ATP10D: variants seen among roughly 807,000 people sequenced by gnomAD.
ATP10D encodes the protein ATPase phospholipid transporting 10D (putative).
In ATP10D, 89 loss-of-function variants were observed where a neutral mutation model predicts 144.8. The ratio of observed to expected loss-of-function variants is 0.61; its 90% CI spans 0.52 to 0.73. ATP10D has a LOEUF of 0.73. ATP10D is among the 30% of genes least tolerant of loss of function. The pLI, the probability that ATP10D is intolerant of heterozygous loss-of-function variation, is 0.00. For synonymous variants in ATP10D, 571 were observed against 615.1 expected (o/e 0.93, Z 1.06); for missense variants, 1,603 against 1,714.8 (o/e 0.93, Z 1.15).
chr4:47,562,650 A>G (rs536016417), intron 14 of ATP10D, among the ~76,000 whole-genome samples: 599 of 152,312 alleles, frequency 3.9e-3, no homozygotes, highest in Non-Finnish European at 5.7e-3. Context: ...CAAAGAACTG[A>G]AAATGGAATT....
At chr4:47,497,433 C>A (rs182998642) in intron 1 of ATP10D, among the ~76,000 whole-genome samples, 2 of 151,582 alleles carry the variant, frequency 1.3e-5, no homozygotes, top group East Asian at 2.0e-4. Flanking sequence ...CCAGCCTGGA[C>A]AACAAGAGCG....
chr4:47,498,073 C>G (rs187573736), intron 1 of ATP10D, among the ~76,000 whole-genome samples: 117 of 152,326 alleles, frequency 7.7e-4, no homozygotes, highest in African/African-American at 2.7e-3. Context: ...AACAACCCTA[C>G]AGAGCAGATG....
At chr4:47,573,065 A>T in intron 18 of ATP10D, 68 bp downstream of exon 18, 1 of 1,557,144 alleles carries the variant, frequency 6.4e-7, no homozygotes, top group Non-Finnish European at 8.8e-7. Context: ...TCAGGGATGA[A>T]GACGAAGTGT....
At chr4:47,519,164 C>T (rs1470832513) in intron 3 of ATP10D, among the ~76,000 whole-genome samples, 1 of 152,204 alleles carries the variant, frequency 6.6e-6, no homozygotes. Flanking sequence ...CCTACCCTTT[C>T]TCTCTTTAAA....
Position 47,591,614 on chromosome 4 carries a change from A to C in ATP10D, c.*233A>C. 1 of 325,080 alleles carries C rather than the reference A, an allele frequency of 3.1e-6. No individual in the cohort carries two copies. Among genetic ancestry groups the C allele is most frequent in the Non-Finnish European group, 5.5e-6 (1 of 180,432 alleles). 20.1% of individuals were successfully genotyped at this position (325,080 alleles called of 1,614,324 possible). ...AGTGAAATATTTAATTCAGAACCAA[A>C]TGCTTTTGTAAAACTTTTTGGATTT... On this transcript the variant is annotated 3_prime_UTR_variant, in exon 23 of 23. Transcript: ENST00000273859.
At chr4:47,562,621 A>G (rs534212542) in intron 14 of ATP10D, among the ~76,000 whole-genome samples, 1 of 152,338 alleles carries the variant, frequency 6.6e-6, no homozygotes, top group South Asian at 2.1e-4. Context: ...ACCTCTATGG[A>G]AAACAGTGTG....
intron 1 of ATP10D, among the ~76,000 whole-genome samples, chr4:47,493,945 A>G (rs1715218081): frequency 6.6e-6 from 1 of 152,154 alleles, no homozygotes; most frequent in African/African-American, 2.4e-5. Context: ...ACAGGTAGGT[A>G]TCTGACTTAA....
intron 1 of ATP10D, among the ~76,000 whole-genome samples, chr4:47,508,364 A>G (rs1461366067): frequency 6.6e-6 from 1 of 152,230 alleles, no homozygotes; most frequent in Non-Finnish European, 1.5e-5. Context: ...CCTAAGCCCA[A>G]TGTATAAGAT....
rs75754001 is a variant in ATP10D, at chr4:47,521,554, A to T, written c.486-1458A>T. Among the ~76,000 whole-genome samples the T allele has an allele frequency of 3.7e-3, 562 of 152,254 alleles. 2 individuals are homozygous for T. Among genetic ancestry groups the T allele is most frequent in the African/African-American group, 0.013 (530 of 41,544 alleles). On this transcript the variant is annotated intron_variant, in intron 3 of 22. Transcript: ENST00000273859. ...ACTCCTAAATAAACTGCCATCCAAA[A>T]ATCCATTCATTACTCTGTCTCAGGA...
chr4:47,495,893 G>A (rs902762237), intron 1 of ATP10D, among the ~76,000 whole-genome samples: 7 of 151,648 alleles, frequency 4.6e-5, no homozygotes, highest in African/African-American at 1.5e-4. Flanking sequence ...ATGCGCCACC[G>A]CGCCTGGCTA....
At chr4:47,580,499 T>A (rs747257388) in intron 20 of ATP10D, 21 bp downstream of exon 20, 5 of 1,584,722 alleles carry the variant, frequency 3.2e-6, no homozygotes, top group Non-Finnish European at 4.3e-6. Context: ...GTTCACTCAG[T>A]ATATTTGTTA....
intron 10 of ATP10D, among the ~76,000 whole-genome samples, chr4:47,550,680 G>C (rs113887823): frequency 6.6e-6 from 1 of 152,150 alleles, no homozygotes; most frequent in Non-Finnish European, 1.5e-5. Flanking sequence ...CATGGGTCAC[G>C]GAAGAGAACC....
chr4:47,506,278 G>A (rs1336902350), intron 1 of ATP10D, among the ~76,000 whole-genome samples: 2 of 152,070 alleles, frequency 1.3e-5, no homozygotes, highest in Non-Finnish European at 2.9e-5. Flanking sequence ...TTTTTTCTCT[G>A]AAAAATGAAA....
At chr4:47,585,645 A>G (rs1406302015) in intron 21 of ATP10D, among the ~76,000 whole-genome samples, 1 of 152,150 alleles carries the variant, frequency 6.6e-6, no homozygotes, top group East Asian at 1.9e-4. Context: ...TGATACCTCC[A>G]CTACCCTTCC....
chr4:47,536,737 C>A lies in ATP10D; in HGVS notation c.1195C>A (p.Gln399Lys). 3.1e-6 allele frequency: 5 copies of A among 1,613,106 alleles called. No individual in the cohort carries two copies. The highest frequency in any genetic ancestry group is 4.2e-6 in the Non-Finnish European group (5 of 1,179,572). Reference protein sequence around the residue: ...YVSIEIVKLGQIYFIQSDVDF... With the variant: ...YVSIEIVKLGKIYFIQSDVDF... ...TTCCATCGAAATTGTGAAGCTTGGA[C>A]AAATATATTTCATTCAAAGTGATGT... The change falls in exon 9 of 23, where the codon CAA (glutamine) becomes AAA (lysine). Residue 399 changes from glutamine to lysine, a missense_variant. Gln to Lys is a moderately conservative substitution (Grantham distance 53). Coordinates refer to ENST00000273859, the MANE Select transcript of ATP10D (RefSeq NM_020453.4).
chr4:47,556,181 A>G (rs917468613), intron 11 of ATP10D, among the ~76,000 whole-genome samples: 1 of 152,204 alleles, frequency 6.6e-6, no homozygotes, highest in Non-Finnish European at 1.5e-5. Context: ...CCTTGTGTGT[A>G]ACTCTCTCAC....
chr4:47,559,116 A>G lies in ATP10D; in HGVS notation c.2541+87A>G, dbSNP rs1719145294. 4.1e-6 allele frequency: 4 copies of G among 984,084 alleles called. No homozygotes were observed. The South Asian group carries it at 4.4e-5, about 11-fold the overall frequency. 61.0% of individuals were successfully genotyped at this position (984,084 alleles called of 1,614,324 possible). On this transcript the variant is annotated intron_variant, in intron 13 of 22. Coordinates refer to ENST00000273859, the MANE Select transcript of ATP10D (RefSeq NM_020453.4). ...GAAAACCAGCGTGTAGCAAACCCTA[A>G]TCCAGATGCTGGGGAAAGTCCCCTG...
chr4:47,492,845 G>A (rs978582148), intron 1 of ATP10D, among the ~76,000 whole-genome samples: 13 of 152,014 alleles, frequency 8.6e-5, no homozygotes, highest in Non-Finnish European at 1.6e-4. Context: ...CCAGTAATAT[G>A]CTATATTCTT....
chr4:47,530,097 T>C (rs936081898), intron 5 of ATP10D, among the ~76,000 whole-genome samples: 15 of 152,184 alleles, frequency 9.9e-5, no homozygotes, highest in African/African-American at 3.1e-4. Context: ...TAAACAAAGA[T>C]AATTTGACTT....
Sources: gnomAD v4.1 joint callset for allele counts (sites outside exome capture counted in the v4.1 genomes callset) on GRCh38, gnomAD v4.1.1 for gene constraint, MANE v1.5 for transcripts, NCBI Gene and HGNC (gene_info 2026-07-23, HGNC 2026-07-21) for gene names.